MYOM1: variants seen among roughly 807,000 people sequenced by gnomAD.
MYOM1 encodes the protein myomesin 1.
Under a neutral mutation model 205.3 loss-of-function variants are expected in MYOM1, and 164 were observed. The ratio of observed to expected loss-of-function variants is 0.80; its 90% CI spans 0.70 to 0.91. The LOEUF is 0.91. Ranked by LOEUF, MYOM1 falls within the 40% of genes least tolerant of loss-of-function variation. The pLI, the probability that MYOM1 is intolerant of heterozygous loss-of-function variation, is 0.00. For synonymous variants in MYOM1, 772 were observed against 789.4 expected, an observed-to-expected ratio of 0.98 and a Z score of 0.37; for missense variants, 2,011 against 2,127.3, an observed-to-expected ratio of 0.95 and a Z score of 1.08.
chr18:3,110,665 C>T (rs1209095764), intron 22 of MYOM1, among the ~76,000 whole-genome samples: 1 of 152,088 alleles, frequency 6.6e-6, no homozygotes, highest in Non-Finnish European at 1.5e-5. Context: ...ACTGGAATTA[C>T]CCAAATTGCT....
chr18:3,205,959 G>A (rs1282982960), intron 2 of MYOM1, among the ~76,000 whole-genome samples: 1 of 152,174 alleles, frequency 6.6e-6, no homozygotes, highest in African/African-American at 2.4e-5. Context: ...TGTCTTCTGA[G>A]AGCTTTACGG....
chr18:3,203,325 A>G (rs1203414985), intron 2 of MYOM1, among the ~76,000 whole-genome samples: 1 of 151,476 alleles, frequency 6.6e-6, no homozygotes, highest in Non-Finnish European at 1.5e-5. Context: ...CAGAAAAACA[A>G]TAAAATTAAT....
chr18:3,115,669 C>T (rs867934449), intron 21 of MYOM1, among the ~76,000 whole-genome samples: 3 of 152,166 alleles, frequency 2.0e-5, no homozygotes, highest in Admixed American at 6.5e-5. Flanking sequence ...CCACTGCTAA[C>T]ACTAGCGGAA....
At position 3,214,963 on chromosome 18, in the gene MYOM1, G is replaced by A. The variant is rs2081241695; in HGVS notation, c.261C>T (p.Ala87=). The change falls in exon 2 of 38, where the codon GCC becomes GCT. Residue 87 remains alanine, a synonymous_variant. Coordinates refer to ENST00000356443, the MANE Select transcript of MYOM1 (RefSeq NM_003803.4). Reference sequence around the variant, plus strand: ...GGGAGGAGCCATAATCGTAGGCTGAGGCTGCCTTCCGACTGACTTCAGAGC... The same window carrying A: ...GGGAGGAGCCATAATCGTAGGCTGAAGCTGCCTTCCGACTGACTTCAGAGC... The part of the protein sequence containing the change: ...ALSSEVSRKA[A]SAYDYGSSHG... 3 of 1,607,782 alleles carry A rather than the reference G, an allele frequency of 1.9e-6. No homozygotes were observed. Among genetic ancestry groups the A allele is most frequent in the Non-Finnish European group, 2.6e-6 (3 of 1,176,024 alleles).
chr18:3,155,217 T>C (rs775857005), intron 10 of MYOM1, 129 bp from the exon 11 acceptor site: 7 of 958,350 alleles, frequency 7.3e-6, no homozygotes, highest in Non-Finnish European at 8.7e-6. Flanking sequence ...GCAGCAAGCA[T>C]CAAATCTTGC....
intron 13 of MYOM1, among the ~76,000 whole-genome samples, chr18:3,145,453 GAATTA>G (rs752592648): frequency 1.3e-5 from 2 of 151,848 alleles, no homozygotes; most frequent in Non-Finnish European, 2.9e-5. Context: ...TTTCATAATA[GAATTA>G]AATTAAAAAC....
In MYOM1 at chr18:3,072,370, T is replaced by TTG. The variant is rs1555613640; in HGVS notation, c.4709-483_4709-482dup. 6.0e-5 allele frequency among the ~76,000 whole-genome samples: 7 copies of TTG among 115,940 alleles called. 1 individual carries two copies. Among genetic ancestry groups the TTG allele is most frequent in the Non-Finnish European group, 1.1e-4 (6 of 56,592 alleles). The allele number at this position is 115,940 out of a possible 152,430, so 76.1% of individuals were successfully genotyped here. On this transcript the variant is annotated intron_variant, in intron 36 of 37. Transcript: ENST00000356443. Reference sequence around the variant, plus strand: ...CCCGGCTTTTTTTTTTTTTTTTTTTTTGAGGCAGAGTCTCGCTCTGTCACC... The same window carrying TTG: ...CCCGGCTTTTTTTTTTTTTTTTTTTTTGTGAGGCAGAGTCTCGCTCTGTCACC...
chr18:3,237,949 C>T, the MYOM1 span, among the ~76,000 whole-genome samples: 12,858 of 152,116 alleles, frequency 0.085, 622 homozygotes, highest in African/African-American at 0.13. Context: ...GGATCAGTTT[C>T]GAGGAAGACG....
At chr18:3,225,180 A>G in the MYOM1 span, among the ~76,000 whole-genome samples, 33 of 144,578 alleles carry the variant, frequency 2.3e-4, no homozygotes, top group East Asian at 2.1e-4. Context: ...TTTAGTAGAG[A>G]GTTTCACCGT....
chr18:3,201,400 CAA>C (rs1285591543), intron 2 of MYOM1, among the ~76,000 whole-genome samples: 1 of 115,762 alleles, frequency 8.6e-6, no homozygotes, highest in African/African-American at 3.2e-5. Flanking sequence ...GACTCCGTCT[CAA>C]AAAAAAAAAG....
chr18:3,224,661 C>T (rs2081345115), upstream of MYOM1, among the ~76,000 whole-genome samples: 1 of 151,990 alleles, frequency 6.6e-6, no homozygotes, highest in South Asian at 2.1e-4. Context: ...ATGGAATTAT[C>T]ATTATTATTA....
Position 3,190,842 on chromosome 18 carries a change from C to A in MYOM1, c.432-1755G>T, listed in dbSNP as rs75562561. Among the ~76,000 whole-genome samples, 885 of 152,146 alleles carry A rather than the reference C, an allele frequency of 5.8e-3. 6 individuals carry two copies. Among genetic ancestry groups the A allele is most frequent in the African/African-American group, 0.021 (858 of 41,492 alleles). On this transcript the variant is annotated intron_variant, in intron 3 of 37. Coordinates refer to ENST00000356443, the MANE Select transcript of MYOM1 (RefSeq NM_003803.4). The stretch of plus-strand genomic sequence containing the variant: ...GGATCATATTCAGTGCTAGTCTTGC[C>A]CCAGGCTCCAAGTAAGAGAACTTTA...
chr18:3,238,119 C>A, the MYOM1 span, among the ~76,000 whole-genome samples: 3 of 152,070 alleles, frequency 2.0e-5, no homozygotes, highest in African/African-American at 7.2e-5. Flanking sequence ...TCAGTGGGAG[C>A]CCTGGGCTTG....
chr18:3,089,734 T>G (rs1243817447), intron 27 of MYOM1, 138 bp from the exon 28 acceptor site: 2 of 561,140 alleles, frequency 3.6e-6, no homozygotes, highest in South Asian at 3.4e-5. Context: ...TTTATCTTTA[T>G]AGATGAAGAA....
intron 5 of MYOM1, among the ~76,000 whole-genome samples, chr18:3,180,165 C>T (rs189194529): frequency 6.6e-6 from 1 of 152,126 alleles, no homozygotes; most frequent in Non-Finnish European, 1.5e-5. Flanking sequence ...AAATAAAAAA[C>T]TATTTTGCAG....
At chr18:3,197,772 C>T (rs917637457) in intron 2 of MYOM1, among the ~76,000 whole-genome samples, 2 of 151,964 alleles carry the variant, frequency 1.3e-5, no homozygotes, top group African/African-American at 4.8e-5. Context: ...ACTCGGGAGG[C>T]TGAGGCAGGA....
In MYOM1 at chr18:3,100,378, G is replaced by A. The variant is rs1317775137; in HGVS notation, c.3624C>T (p.Tyr1208=). The stretch of plus-strand genomic sequence containing the variant: ...CATCAGTGTCTGTTACATCGCAAGA[G>A]TAAATACCCAAGTCATCCATCCCAA... The part of the protein sequence containing the change: ...KDLGMDDLGI[Y]SCDVTDTDGI... Residue 1208 remains tyrosine (Y), a synonymous_variant, in exon 24 of 38, where the codon TAC becomes TAT. Transcript: ENST00000356443. 1.9e-6 allele frequency: 3 copies of A among 1,613,806 alleles called. No individual in the cohort carries two copies. Among genetic ancestry groups the A allele is most frequent in the Non-Finnish European group, 2.5e-6 (3 of 1,179,854 alleles).
At chr18:3,197,621 C>T (rs2081005966) in intron 2 of MYOM1, among the ~76,000 whole-genome samples, 1 of 152,088 alleles carries the variant, frequency 6.6e-6, no homozygotes. Flanking sequence ...CGCCTGTAAT[C>T]CCAGCACGTT....
chr18:3,118,266 G>A (rs11081015), intron 20 of MYOM1, among the ~76,000 whole-genome samples: 108,565 of 152,014 alleles, frequency 0.71, 38,828 homozygotes, highest in African/African-American at 0.76. Flanking sequence ...AGAAGCCAGG[G>A]TGTCAGGAGG....
Sources: allele counts gnomAD v4.1 joint callset (sites outside exome capture counted in the v4.1 genomes callset), GRCh38; gene constraint gnomAD v4.1.1; transcripts MANE v1.5; gene names NCBI Gene and HGNC (gene_info 2026-07-23, HGNC 2026-07-21).